Variants in NARF observed in about 807,000 individuals in gnomAD.
NARF encodes iron-only hydrogenase-like protein 2.
NARF carries 41 observed loss-of-function variants against 48.0 expected under a neutral mutation model. The ratio of observed to expected loss-of-function variants is 0.85; its 90% CI spans 0.66 to 1.11. The LOEUF is 1.11. Among genes scored for constraint, NARF ranks in the 50% least tolerant of loss-of-function variants. The pLI, the probability that NARF is intolerant of heterozygous loss-of-function variation, is 0.00. For missense variants in NARF, 613 were observed against 590.2 expected (o/e 1.04, Z -0.40); for synonymous variants, 215 against 225.5 (o/e 0.95, Z 0.42).
At chr17:82,469,141 C>T (rs1466459619) in intron 4 of NARF, among the ~76,000 whole-genome samples, 4 of 152,194 alleles carry the variant, frequency 2.6e-5, no homozygotes, top group Non-Finnish European at 5.9e-5. Flanking sequence ...GAGCTGACCC[C>T]TCTGGGACCA....
chr17:82,472,758 C>G (rs2043742597), intron 5 of NARF, 60 bp downstream of exon 5: 1 of 1,569,046 alleles, frequency 6.4e-7, no homozygotes, highest in Non-Finnish European at 8.6e-7. Context: ...TCACAAGATT[C>G]TGCAGGCTCT....
intron 10 of NARF, among the ~76,000 whole-genome samples, chr17:82,487,496 AAAG>A (rs984737200): frequency 5.4e-5 from 8 of 148,422 alleles, no homozygotes; most frequent in African/African-American, 1.5e-4. Flanking sequence ...AAAAAAAAAA[AAAG>A]AAGAATGAGA....
Position 82,483,752 on chromosome 17 carries a change from C to A in NARF, c.806C>A (p.Ser269Ter). 1 of 1,613,852 alleles carries A rather than the reference C, an allele frequency of 6.2e-7. No homozygotes were observed. Among genetic ancestry groups the A allele is most frequent in the South Asian group, 1.1e-5 (1 of 91,062 alleles). The change falls in exon 8 of 11, where the codon TCA becomes TAA. Residue 269 changes from serine (S) to a stop codon, truncating the protein, a stop_gained. Transcript: ENST00000309794. LOFTEE classifies it high-confidence loss of function. ...CAAATAATGGAGCAAGGTGACCTCT[C>A]AGTGAGAGATGCTGCCGTCGACACT... ...IAQIMEQGDL[S>*]VRDAAVDTLF...
chr17:82,459,906 C>T, intron 1 of NARF, 86 bp from the exon 2 acceptor site: 1 of 962,868 alleles, frequency 1.0e-6, no homozygotes, highest in East Asian at 2.6e-5. Flanking sequence ...GATAGAAATA[C>T]ATGAGCTTCA....
In NARF at chr17:82,489,212, A is replaced by G. The variant is rs1019344617; in HGVS notation, c.*1055A>G. On this transcript the variant is annotated 3_prime_UTR_variant, in exon 11 of 11. Coordinates refer to ENST00000309794, the MANE Select transcript of NARF (RefSeq NM_012336.4). ...TACTCGGCCCTGGGCCATTCCTCAC[A>G]GCCAGTCACCACCCTCCTCCCATTC... 21 of 168,808 alleles carry G rather than the reference A, an allele frequency of 1.2e-4. No homozygotes were observed. Among genetic ancestry groups the G allele is most frequent in the Non-Finnish European group, 1.8e-4 (14 of 78,502 alleles). The allele number at this position is 168,808 out of a possible 1,614,324, so 10.5% of individuals were successfully genotyped here.
rs1163102900 is a variant in NARF, at chr17:82,485,557, T to C, written c.1032T>C (p.Ala344=). 4 of 1,614,168 alleles carry C rather than the reference T, an allele frequency of 2.5e-6. No individual in the cohort carries two copies. Among genetic ancestry groups the C allele is most frequent in the Non-Finnish European group, 3.4e-6 (4 of 1,180,062 alleles). ...ACGGAGAGGTGGTGTTACGCTTTGC[T>C]GCAGCCTATGGCTTTCGAAACATCC... The part of the protein sequence containing the change: ...EKNGEVVLRF[A]AAYGFRNIQN... The change falls in exon 10 of 11, where the codon GCT becomes GCC. Residue 344 remains alanine (A), a synonymous_variant. Transcript: ENST00000309794.
At chr17:82,487,833 T>C (rs1567948994) in intron 10 of NARF, 83 bp from the exon 11 acceptor site, 5 of 1,465,832 alleles carry the variant, frequency 3.4e-6, no homozygotes, top group Non-Finnish European at 4.6e-6. Context: ...AGGTGGTGTG[T>C]GTCTGTAGTT....
chr17:82,485,590 G>A lies in NARF; in HGVS notation c.1065G>A (p.Met355Ile). 1 of 1,614,230 alleles carries A rather than the reference G, an allele frequency of 6.2e-7. No individual in the cohort carries two copies. Among genetic ancestry groups the A allele is most frequent in the African/African-American group, 1.3e-5 (1 of 75,070 alleles). The stretch of plus-strand genomic sequence containing the variant: ...ATGGCTTTCGAAACATCCAGAACAT[G>A]ATCCTGAAGCTTAAGAAGGGCAAGT... ...AAYGFRNIQN[M>I]ILKLKKGKFP... Residue 355 changes from methionine to isoleucine, a missense_variant, in exon 10 of 11, where the codon ATG becomes ATA. Physicochemically the swap from Met to Ile is conservative, Grantham distance 10 (BLOSUM62 1). Coordinates refer to ENST00000309794, the MANE Select transcript of NARF (RefSeq NM_012336.4).
chr17:82,464,487 T>C, intron 3 of NARF, 57 bp downstream of exon 3: 1 of 1,562,690 alleles, frequency 6.4e-7, no homozygotes, highest in Non-Finnish European at 8.7e-7. Context: ...GAAGTGGAGG[T>C]GAGGCCTGGC....
chr17:82,459,069 C>T (rs930117745), intron 1 of NARF: 504 of 1,200,274 alleles, frequency 4.2e-4, no homozygotes, highest in Non-Finnish European at 4.3e-4. Flanking sequence ...CCCACGCCCG[C>T]GAAGCGCGGA....
Position 82,484,881 on chromosome 17 carries a change from A to G in NARF, c.902A>G (p.His301Arg), listed in dbSNP as rs747266299. 6.2e-7 allele frequency: 1 copy of G among 1,613,480 alleles called. No individual in the cohort carries two copies. The highest frequency in any genetic ancestry group is 1.1e-5 in the South Asian group (1 of 90,980). The change falls in exon 9 of 11, where the codon CAC becomes CGC. Residue 301 changes from histidine (H) to arginine (R), a missense_variant. His to Arg is a conservative substitution (Grantham distance 29). Coordinates refer to ENST00000309794, the MANE Select transcript of NARF (RefSeq NM_012336.4). ...DGASSDGHLA[H>R]IFRHAAKELF... ...GCCAGCTCAGACGGGCACCTGGCAC[A>G]CATCTTCAGACATGCGGCCAAGGAG...
At chr17:82,480,091 C>T (rs2043926068) in intron 6 of NARF, 1 of 206,316 alleles carries the variant, frequency 4.8e-6, no homozygotes, top group Non-Finnish European at 9.6e-6. Context: ...TCCTCTTTTG[C>T]TCCGCCCCTG....
intron 7 of NARF, chr17:82,482,858 T>C (rs998179970): frequency 6.6e-6 from 1 of 151,816 alleles, no homozygotes; most frequent in African/African-American, 2.4e-5. Flanking sequence ...AGTGGCTCCA[T>C]CTTGGCTCAC....
chr17:82,482,616 A>G (rs2043998708), intron 7 of NARF: 1 of 153,140 alleles, frequency 6.5e-6, no homozygotes, highest in Non-Finnish European at 1.5e-5. Context: ...TGTAAAAGGA[A>G]ATACAGAAAG....
At chr17:82,459,949 A>G (rs779374834) in intron 1 of NARF, 43 bp from the exon 2 acceptor site, 2 of 1,450,188 alleles carry the variant, frequency 1.4e-6, no homozygotes, top group East Asian at 4.6e-5. Context: ...CTTAAGGGAG[A>G]CGAAGTAAAA....
chr17:82,483,973 C>T (rs2143955688), intron 8 of NARF, 194 bp downstream of exon 8: 1 of 549,938 alleles, frequency 1.8e-6, no homozygotes, highest in East Asian at 3.1e-5. Flanking sequence ...ACCAGGGCTG[C>T]CAGGGAGTTG....
chr17:82,463,222 A>G (rs1482641007), intron 2 of NARF: 2 of 152,194 alleles, frequency 1.3e-5, no homozygotes, highest in Non-Finnish European at 2.9e-5. Context: ...TCTGTAATTT[A>G]TTGACATTAC....
chr17:82,459,948 G>A (rs1435241647), intron 1 of NARF, 44 bp from the exon 2 acceptor site: 1 of 1,442,914 alleles, frequency 6.9e-7, no homozygotes, highest in South Asian at 1.2e-5. Flanking sequence ...TCTTAAGGGA[G>A]ACGAAGTAAA....
rs774999710 is a variant in NARF, at chr17:82,481,063, G to A, written c.640-19G>A. 1.9e-6 allele frequency: 3 copies of A among 1,613,752 alleles called. No individual in the cohort carries two copies. The highest frequency in any genetic ancestry group is 1.7e-6 in the Non-Finnish European group (2 of 1,179,884). On this transcript the variant is annotated intron_variant, in intron 6 of 10. Coordinates refer to ENST00000309794, the MANE Select transcript of NARF (RefSeq NM_012336.4). The stretch of plus-strand genomic sequence containing the variant: ...TCACCTCTTCACCAGCCCTAAATAT[G>A]GGTGCCCCTCTCCCACAGAACCTGT...
Sources: allele counts gnomAD v4.1 joint callset (sites outside exome capture counted in the v4.1 genomes callset), GRCh38; gene constraint gnomAD v4.1.1; transcripts MANE v1.5; gene names NCBI Gene and HGNC (gene_info 2026-07-23, HGNC 2026-07-21).